Variants in RBFOX1 observed in about 807,000 individuals in gnomAD.
The protein encoded by RBFOX1 is RNA binding fox-1 homolog 1.
A neutral mutation model predicts 57.7 loss-of-function variants in RBFOX1; 8 were observed. The ratio of observed to expected loss-of-function variants is 0.14; its 90% CI spans 0.08 to 0.25. The LOEUF is 0.25. Among genes scored for constraint, RBFOX1 ranks in the 10% least tolerant of loss-of-function variants. The pLI is 1.00. For missense variants in RBFOX1, 611 were observed against 548.5 expected (o/e 1.11, Z -1.14); for synonymous variants, 326 against 222.4 (o/e 1.47, Z -4.15).
At position 6,525,225 on chromosome 16, in the gene RBFOX1, T is replaced by G. The variant is rs552644419; in HGVS notation, c.-63-129378T>G. Among the ~76,000 whole-genome samples the G allele has an allele frequency of 3.3e-4, 50 of 152,320 alleles. No individual in the cohort carries two copies. In the South Asian group the frequency reaches 0.01, roughly 31 times the overall value. ...TAAGAACAATTCTAGCTTGAAGAAC[T>G]GTGTGATGTCACTGAGGAGCAAAGT... is the stretch of plus-strand genomic sequence containing the variant. On this transcript the variant is annotated intron_variant, in intron 2 of 15. Coordinates refer to ENST00000550418, the MANE Select transcript of RBFOX1 (RefSeq NM_018723.4).
chr16:7,695,585 G>A (rs1019138654), intron 14 of RBFOX1, among the ~76,000 whole-genome samples: 4 of 150,452 alleles, frequency 2.7e-5, no homozygotes, highest in Non-Finnish European at 5.9e-5. Flanking sequence ...TGGGGAGGCG[G>A]AGGTTGCAGT....
intron 2 of RBFOX1, among the ~76,000 whole-genome samples, chr16:6,478,421 ATATATATATT>A (rs1257252172): frequency 0.013 from 165 of 12,360 alleles, no homozygotes; most frequent in Non-Finnish European, 0.02. Context: ...ATATATATAT[ATATATATATT>A]TTTTTTTTTT....
chr16:7,707,770 T>G (rs922650907), intron 14 of RBFOX1, among the ~76,000 whole-genome samples: 3 of 152,220 alleles, frequency 2.0e-5, no homozygotes, highest in Non-Finnish European at 2.9e-5. Flanking sequence ...TGCTGTAGCA[T>G]GAAACCCATA....
intron 3 of RBFOX1, among the ~76,000 whole-genome samples, chr16:6,858,481 C>T (rs922531582): frequency 3.3e-5 from 5 of 152,042 alleles, no homozygotes; most frequent in South Asian, 2.1e-4. Context: ...CTTTGGTTTC[C>T]GGGCAGAGGT....
At chr16:7,440,784 C>A (rs535672272) in intron 4 of RBFOX1, among the ~76,000 whole-genome samples, 2 of 152,070 alleles carry the variant, frequency 1.3e-5, no homozygotes, top group African/African-American at 4.8e-5. Context: ...CAACTTCATC[C>A]CTTCCTCTCT....
chr16:7,046,079 T>A (rs58510530), intron 3 of RBFOX1, among the ~76,000 whole-genome samples: 32 of 152,156 alleles, frequency 2.1e-4, no homozygotes, highest in African/African-American at 7.5e-4. Flanking sequence ...AAATGCCCTG[T>A]ATGTCACAAA....
At chr16:5,550,803 T>G (rs2045431391) in intron 2 of RBFOX1, among the ~76,000 whole-genome samples, 1 of 152,172 alleles carries the variant, frequency 6.6e-6, no homozygotes, top group Non-Finnish European at 1.5e-5. Context: ...ATGCTTTCAT[T>G]TCAAAAAAGA....
At chr16:6,563,094 G>C (rs1361636109) in intron 2 of RBFOX1, among the ~76,000 whole-genome samples, 1 of 151,928 alleles carries the variant, frequency 6.6e-6, no homozygotes, top group African/African-American at 2.4e-5. Flanking sequence ...CTTCTTCCAA[G>C]TGCTGTTTCC....
chr16:6,588,676 C>T (rs2097666122), intron 2 of RBFOX1, among the ~76,000 whole-genome samples: 2 of 152,126 alleles, frequency 1.3e-5, no homozygotes, highest in Non-Finnish European at 2.9e-5. Flanking sequence ...AGAAATGCAC[C>T]TTCCTCCCTG....
At chr16:7,111,200 T>A (rs2064691924) in intron 4 of RBFOX1, among the ~76,000 whole-genome samples, 1 of 151,762 alleles carries the variant, frequency 6.6e-6, no homozygotes, top group African/African-American at 2.4e-5. Flanking sequence ...TATTAAGGAG[T>A]TCAGTGTGAT....
intron 3 of RBFOX1, among the ~76,000 whole-genome samples, chr16:5,776,896 A>G (rs945293302): frequency 2.6e-5 from 4 of 152,232 alleles, no homozygotes; most frequent in East Asian, 1.9e-4. Context: ...CCATGGATGT[A>G]TGGATGTCTA....
intron 2 of RBFOX1, among the ~76,000 whole-genome samples, chr16:6,551,493 C>G (rs1265391194): frequency 6.6e-6 from 1 of 152,178 alleles, no homozygotes; most frequent in Non-Finnish European, 1.5e-5. Context: ...CAAATGACAG[C>G]TATTACTTGT....
chr16:7,056,754 C>A (rs569532447), intron 4 of RBFOX1, among the ~76,000 whole-genome samples: 2 of 152,028 alleles, frequency 1.3e-5, no homozygotes, highest in African/African-American at 4.8e-5. Flanking sequence ...GGCTGATTAA[C>A]GAGCTTAGTT....
At chr16:6,293,966 A>G (rs1282820069) in intron 1 of RBFOX1, among the ~76,000 whole-genome samples, 5 of 152,182 alleles carry the variant, frequency 3.3e-5, no homozygotes, top group African/African-American at 7.2e-5. Flanking sequence ...ATTTCAGTGA[A>G]TAAAATAAAG....
In RBFOX1 at chr16:5,955,346, TAAAATAAATAAAAATAAAATAAAATAAAA is replaced by T. The variant is rs2059611575; in HGVS notation, c.351+88012_351+88040del. 2.9e-3 allele frequency among the ~76,000 whole-genome samples: 79 copies of T among 27,328 alleles called. 3 individuals carry two copies. The highest frequency in any genetic ancestry group is 2.8e-3 in the African/African-American group (15 of 5,360). The allele number at this position is 27,328 out of a possible 152,430, so 17.9% of individuals were successfully genotyped here. On this transcript the variant is annotated intron_variant, in intron 4 of 19. Transcript: ENST00000641259. ...TAAAATAAAATAAAATAAAATAAAA[TAAAATAAATAAAAATAAAATAAAATAAAA>T]TAAAATAAAATAAAATAAAATAAAA...
intron 3 of RBFOX1, among the ~76,000 whole-genome samples, chr16:6,787,508 T>C (rs2082164865): frequency 6.6e-5 from 10 of 152,208 alleles, no homozygotes; most frequent in Admixed American, 6.5e-4. Context: ...TGTGTGACTG[T>C]ATGCTGGGCA....
At position 7,710,978 on chromosome 16, in the gene RBFOX1, T is replaced by A. The variant is rs1225498257; in HGVS notation, c.*233T>A. ...GGTTCCGTAGTTTGGTTGCTGGCTG[T>A]AGGAGTTTTTGTGGTTGATCTAGAC... On this transcript the variant is annotated 3_prime_UTR_variant, in exon 16 of 16. Transcript: ENST00000550418. 3 of 473,150 alleles carry A rather than the reference T, an allele frequency of 6.3e-6. No individual in the cohort carries two copies. Among genetic ancestry groups the A allele is most frequent in the Non-Finnish European group, 1.0e-5 (3 of 294,764 alleles). The allele number at this position is 473,150 out of a possible 1,614,324, so 29.3% of individuals were successfully genotyped here.
At chr16:7,045,194 C>T (rs1396079293) in intron 3 of RBFOX1, among the ~76,000 whole-genome samples, 1 of 152,140 alleles carries the variant, frequency 6.6e-6, no homozygotes, top group Non-Finnish European at 1.5e-5. Context: ...CACTTCCAAA[C>T]AAAGGGGTTG....
intron 2 of RBFOX1, among the ~76,000 whole-genome samples, chr16:6,542,631 A>G (rs1340088806): frequency 6.6e-6 from 1 of 151,304 alleles, no homozygotes; most frequent in Non-Finnish European, 1.5e-5. Context: ...CTGGGACCAC[A>G]GGCGCCCGCC....
Sources: gnomAD v4.1 joint callset for allele counts (sites outside exome capture counted in the v4.1 genomes callset) on GRCh38, gnomAD v4.1.1 for gene constraint, MANE v1.5 for transcripts, NCBI Gene and HGNC (gene_info 2026-07-23, HGNC 2026-07-21) for gene names.